Variants in CSRNP3 observed in about 807,000 individuals in gnomAD.
The protein encoded by CSRNP3 is cysteine/serine-rich nuclear protein 3.
CSRNP3 carries 12 observed loss-of-function variants against 48.0 expected under a neutral mutation model. That is an observed-to-expected ratio of 0.25 (90% confidence interval 0.16 to 0.41). CSRNP3 has a LOEUF of 0.41. Among genes scored for constraint, CSRNP3 ranks in the 10% least tolerant of loss-of-function variants. CSRNP3 has a pLI of 1.00. For synonymous variants in CSRNP3, 263 were observed against 269.7 expected (o/e 0.98, Z 0.24); for missense variants, 580 against 724.4 (o/e 0.80, Z 2.29).
Position 165,657,769 on chromosome 2 carries a change from A to G in CSRNP3, c.157A>G (p.Ile53Val), listed in dbSNP as rs769304262. Reference sequence around the variant, plus strand: ...GTTTCTTTCTCTTTCAGCTTCCTCCATTCTCAAAAGGGAGAAACGACTGAG... The same window carrying G: ...GTTTCTTTCTCTTTCAGCTTCCTCCGTTCTCAAAAGGGAGAAACGACTGAG... ...STSSHFTPSS[I>V]LKREKRLRTK... The change falls in exon 5 of 7, where the codon ATT (isoleucine) becomes GTT (valine). Residue 53 changes from isoleucine (I) to valine (V), a missense_variant. By Grantham distance (29) the Ile-to-Val change is conservative. This residue lies in a region of CSRNP3 where 83 missense variants were observed against 139.6 expected (regional missense o/e 0.59). Coordinates refer to ENST00000651982, the MANE Select transcript of CSRNP3 (RefSeq NM_001172173.2). The G allele has an allele frequency of 1.2e-6, 2 of 1,613,098 alleles. No homozygotes were observed. Among genetic ancestry groups the G allele is most frequent in the East Asian group, 2.2e-5 (1 of 44,824 alleles).
At chr2:165,574,071 C>G (rs950324197) in intron 3 of CSRNP3, 1 of 380,478 alleles carries the variant, frequency 2.6e-6, no homozygotes, top group African/African-American at 2.1e-5. Flanking sequence ...GTGATGCTGA[C>G]AGCCCAGTAA....
At chr2:165,471,885 C>G (rs747899463) in intron 1 of CSRNP3, among the ~76,000 whole-genome samples, 1 of 151,678 alleles carries the variant, frequency 6.6e-6, no homozygotes, top group Non-Finnish European at 1.5e-5. Context: ...TGAAAGAAAA[C>G]AGTTAAGAGG....
chr2:165,499,883 T>C (rs947947801), intron 2 of CSRNP3, among the ~76,000 whole-genome samples: 3 of 152,016 alleles, frequency 2.0e-5, no homozygotes, highest in African/African-American at 7.2e-5. Context: ...TTTGCCTTCA[T>C]CTCACAAATA....
rs1328462459 is a variant in CSRNP3 at position 165,686,626 on chromosome 2, G to C, written c.*6873G>C. 1 of 151,666 alleles carries C rather than the reference G, an allele frequency of 6.6e-6. No homozygotes were observed. Among genetic ancestry groups the C allele is most frequent in the Admixed American group, 6.6e-5 (1 of 15,168 alleles). 9.4% of individuals were successfully genotyped at this position (151,666 alleles called of 1,614,324 possible). A position where few individuals can be genotyped will look rare whatever the true frequency, so the allele number is the denominator to read the frequency against. On this transcript the variant is annotated 3_prime_UTR_variant, in exon 7 of 7. Coordinates refer to ENST00000651982, the MANE Select transcript of CSRNP3 (RefSeq NM_001172173.2). Reference sequence around the variant, plus strand: ...TTGTTGTTGTTTTTTAATTTATTTAGTGTTGATCCTTGAGTTATTTAATGG... The same window carrying C: ...TTGTTGTTGTTTTTTAATTTATTTACTGTTGATCCTTGAGTTATTTAATGG...
chr2:165,641,137 G>C (rs956822981), intron 4 of CSRNP3, among the ~76,000 whole-genome samples: 3 of 152,104 alleles, frequency 2.0e-5, no homozygotes, highest in African/African-American at 7.2e-5. Flanking sequence ...TTTATTTTAT[G>C]TATAAATAAT....
intron 4 of CSRNP3, among the ~76,000 whole-genome samples, chr2:165,639,842 G>A (rs1686695910): frequency 6.6e-6 from 1 of 152,070 alleles, no homozygotes; most frequent in South Asian, 2.1e-4. Context: ...GATACCTTTT[G>A]TCTCTCATTC....
At chr2:165,632,681 G>C (rs1174298708) in intron 4 of CSRNP3, among the ~76,000 whole-genome samples, 2 of 152,042 alleles carry the variant, frequency 1.3e-5, no homozygotes, top group African/African-American at 2.4e-5. Flanking sequence ...AGAATATTTT[G>C]ATTCATAAAA....
chr2:165,679,550 T>A lies in CSRNP3; in HGVS notation c.1555T>A (p.Tyr519Asn), dbSNP rs1161352212. 6.2e-7 allele frequency: 1 copy of A among 1,613,814 alleles called. No homozygotes were observed. Among genetic ancestry groups the A allele is most frequent in the Admixed American group, 1.7e-5 (1 of 59,982 alleles). The change falls in exon 7 of 7, where the codon TAT becomes AAT. Residue 519 changes from tyrosine to asparagine, a missense_variant. By Grantham distance (143) the Tyr-to-Asn change is moderately radical. Around this residue, in one of 4 missense-constraint regions of CSRNP3, gnomAD observed 369 missense variants for 380.8 expected, o/e 0.97. Coordinates refer to ENST00000651982, the MANE Select transcript of CSRNP3 (RefSeq NM_001172173.2). Reference protein sequence around the residue: ...NDSGVPCNSLYPEHRSNHPQV... With the variant: ...NDSGVPCNSLNPEHRSNHPQV... Reference sequence around the variant, plus strand: ...TAGCGGTGTGCCCTGCAATAGTTTATATCCTGAACACAGGTCCAATCACCC... The same window carrying A: ...TAGCGGTGTGCCCTGCAATAGTTTAAATCCTGAACACAGGTCCAATCACCC...
At chr2:165,479,133 T>G (rs753590179) in intron 1 of CSRNP3, among the ~76,000 whole-genome samples, 4 of 152,192 alleles carry the variant, frequency 2.6e-5, no homozygotes, top group Non-Finnish European at 5.9e-5. Context: ...AAATGAAATG[T>G]CTTTTTTATA....
At chr2:165,553,698 T>TCC (rs1338230684) in intron 3 of CSRNP3, among the ~76,000 whole-genome samples, 2 of 152,232 alleles carry the variant, frequency 1.3e-5, no homozygotes, top group Admixed American at 1.3e-4. Flanking sequence ...ATTTCTACCT[T>TCC]CCATTTGTCA....
chr2:165,594,732 A>G (rs1196361187), intron 3 of CSRNP3, among the ~76,000 whole-genome samples: 1 of 152,138 alleles, frequency 6.6e-6, no homozygotes, highest in African/African-American at 2.4e-5. Flanking sequence ...ATTTTTCTTT[A>G]CAGATTTTCT....
chr2:165,598,437 A>T (rs553465266), intron 4 of CSRNP3, among the ~76,000 whole-genome samples: 101 of 152,304 alleles, frequency 6.6e-4, no homozygotes, highest in African/African-American at 2.4e-3. Flanking sequence ...TTTTATATTT[A>T]TTAATTTTTA....
chr2:165,557,828 G>C (rs1047138334), intron 3 of CSRNP3, among the ~76,000 whole-genome samples: 1 of 152,184 alleles, frequency 6.6e-6, no homozygotes, highest in African/African-American at 2.4e-5. Flanking sequence ...TTAGGGGCTT[G>C]CATTTAATTC....
intron 4 of CSRNP3, among the ~76,000 whole-genome samples, chr2:165,612,073 G>A (rs1479494544): frequency 6.6e-6 from 1 of 151,726 alleles, no homozygotes; most frequent in Non-Finnish European, 1.5e-5. Flanking sequence ...ACATTGTCTA[G>A]GTAATATTTA....
intron 3 of CSRNP3, among the ~76,000 whole-genome samples, chr2:165,570,228 A>T (rs1685350811): frequency 6.6e-6 from 1 of 151,946 alleles, no homozygotes; most frequent in African/African-American, 2.4e-5. Flanking sequence ...CCATCCCGTG[A>T]TTCATTCTAT....
At chr2:165,523,283 C>A (rs1406249271) in intron 3 of CSRNP3, among the ~76,000 whole-genome samples, 1 of 152,198 alleles carries the variant, frequency 6.6e-6, no homozygotes, top group Non-Finnish European at 1.5e-5. Context: ...TTATTTCCAA[C>A]TTTTTCTTCC....
At position 165,531,357 on chromosome 2, in the gene CSRNP3, G is replaced by A. The variant is rs191971938; in HGVS notation, c.-24+13396G>A. Among the ~76,000 whole-genome samples the A allele has an allele frequency of 2.0e-5, 3 of 152,222 alleles. No homozygotes were observed. The East Asian group carries it at 5.8e-4, about 29-fold the overall frequency. ...GACACCAATCCATACTAATGACTGC[G>A]GTTGCACATTGGAATCCACTTGAAT... On this transcript the variant is annotated intron_variant, in intron 3 of 6. Coordinates refer to ENST00000651982, the MANE Select transcript of CSRNP3 (RefSeq NM_001172173.2).
At chr2:165,608,934 CAAAAAAA>C (rs33952227) in intron 4 of CSRNP3, among the ~76,000 whole-genome samples, 18 of 75,582 alleles carry the variant, frequency 2.4e-4, no homozygotes, top group South Asian at 1.6e-3. Flanking sequence ...ACTAAAAATA[CAAAAAAA>C]AAAAAAAAAA....
chr2:165,525,596 C>T (rs2105238968), intron 3 of CSRNP3, among the ~76,000 whole-genome samples: 1 of 151,726 alleles, frequency 6.6e-6, no homozygotes, highest in East Asian at 1.9e-4. Context: ...AGTGATTCTC[C>T]TGCCTCAGCC....
Sources: gnomAD v4.1 joint callset for allele counts (sites outside exome capture counted in the v4.1 genomes callset) on GRCh38, gnomAD v4.1.1 for gene constraint, gnomAD v4.1.1 regional missense constraint, MANE v1.5 for transcripts, NCBI Gene and HGNC (gene_info 2026-07-23, HGNC 2026-07-21) for gene names.